Variants in DHRS7 observed in about 807,000 individuals in gnomAD.
DHRS7 encodes the protein dehydrogenase/reductase SDR family member 7.
In DHRS7, 34 loss-of-function variants were observed where a neutral mutation model predicts 38.9. That is an observed-to-expected ratio of 0.87 (90% CI 0.66 to 1.16). The LOEUF (loss-of-function observed/expected upper bound fraction) is 1.16, where lower values mean the gene tolerates loss of function less well. Among genes scored for constraint, DHRS7 ranks in the 50% most tolerant of loss-of-function variants. The pLI, the probability that DHRS7 is intolerant of heterozygous loss-of-function variation, is 0.00. For synonymous variants in DHRS7, 158 were observed against 153.1 expected (o/e 1.03, Z -0.24); for missense variants, 421 against 407.0 (o/e 1.03, Z -0.30).
chr14:60,153,166 C>A lies in DHRS7; in HGVS notation c.406G>T (p.Val136Phe). 1 of 1,613,986 alleles carries A rather than the reference C, an allele frequency of 6.2e-7. No homozygotes were observed. Among genetic ancestry groups the A allele is most frequent in the Non-Finnish European group, 8.5e-7 (1 of 1,179,970 alleles). Reference protein sequence around the residue: ...LQEFGRIDILVNNGGMSQRSL... With the variant: ...LQEFGRIDILFNNGGMSQRSL... Reference sequence around the variant, plus strand: ...CGCTGGGACATTCCACCATTGTTGACCAGAATGTCGATCTAGTTAAATAAA... The same window carrying A: ...CGCTGGGACATTCCACCATTGTTGAACAGAATGTCGATCTAGTTAAATAAA... Residue 136 changes from valine (V) to phenylalanine (F), a missense_variant, in exon 4 of 7, where the codon GTC (valine) becomes TTC (phenylalanine). Physicochemically the swap from Val to Phe is conservative, Grantham distance 50 (BLOSUM62 -1). Coordinates refer to ENST00000557185, the MANE Select transcript of DHRS7 (RefSeq NM_016029.4). This position sits in a 1 kb window ranked among gnomAD's most constrained non-coding sequence, Gnocchi z 4.4.
In DHRS7 at chr14:60,144,878, T is replaced by A; in HGVS notation, c.*88A>T. On this transcript the variant is annotated 3_prime_UTR_variant, in exon 7 of 7. Coordinates refer to ENST00000557185, the MANE Select transcript of DHRS7 (RefSeq NM_016029.4). ...ATTAAAAAGTAAAATCACAAATTAG[T>A]CTTTGATTATTCAGAAGCATAAGAA... The A allele has an allele frequency of 9.1e-7, 1 of 1,100,016 alleles. No individual in the cohort carries two copies. Among genetic ancestry groups the A allele is most frequent in the Non-Finnish European group, 1.4e-6 (1 of 726,180 alleles). The allele number at this position is 1,100,016 out of a possible 1,614,324, so 68.1% of individuals were successfully genotyped here.
chr14:60,153,855 T>C lies in DHRS7; in HGVS notation c.393+104A>G. On this transcript the variant is annotated intron_variant, in intron 3 of 6. Transcript: ENST00000557185. This position sits in a 1 kb window ranked among gnomAD's most constrained non-coding sequence, Gnocchi z 4.4. ...AACTCATGGGCCCGATCTCACTGCA[T>C]GGACCCCACTTGCCTAAAGCCCTTT... 1 of 935,184 alleles carries C rather than the reference T, an allele frequency of 1.1e-6. No individual in the cohort carries two copies. The highest frequency in any genetic ancestry group is 1.6e-5 in the African/African-American group (1 of 60,836). The allele number at this position is 935,184 out of a possible 1,614,324, so 57.9% of individuals were successfully genotyped here. A position where few individuals can be genotyped will look rare whatever the true frequency, so the allele number is the denominator to read the frequency against.
rs1267171800 is a variant in DHRS7 at position 60,144,254 on chromosome 14, A to ATAC, written c.*709_*711dup. ...CATCTTGGAGGTAAGGTCATTTCAA[A>ATAC]TACTTCTTTATATCTGGTCATTACC... On this transcript the variant is annotated 3_prime_UTR_variant, in exon 7 of 7. Transcript: ENST00000557185. The ATAC allele has an allele frequency of 6.6e-6, 1 of 152,190 alleles. No individual in the cohort carries two copies. The highest frequency in any genetic ancestry group is 2.4e-5 in the African/African-American group (1 of 41,442). 9.4% of individuals were successfully genotyped at this position (152,190 alleles called of 1,614,324 possible).
intron 1 of DHRS7, among the ~76,000 whole-genome samples, chr14:60,164,017 G>T (rs1185438582): frequency 6.6e-6 from 1 of 152,078 alleles, no homozygotes; most frequent in African/African-American, 2.4e-5. Flanking sequence ...TAGTTTTGTA[G>T]CACTGCTGTG....
rs181049342 is a variant in DHRS7, at chr14:60,154,070, A to G, written c.287-5T>C. On this transcript the variant is annotated splice_region_variant and splice_polypyrimidine_tract_variant and intron_variant, in intron 2 of 6. Coordinates refer to ENST00000557185, the MANE Select transcript of DHRS7 (RefSeq NM_016029.4). The stretch of plus-strand genomic sequence containing the variant: ...TTTCTTTTAAATTGCCATTCTCTAA[A>G]TAAAGACAAAAATTTGTGTGGAAGT... The G allele has an allele frequency of 1.4e-4, 221 of 1,611,558 alleles. 1 individual carries two copies. In the African/African-American group the frequency reaches 2.7e-3, roughly 20 times the overall value.
At chr14:60,169,132 C>CAAAAAAAAA (rs1566539341), upstream of DHRS7, 3 of 31,086 alleles carry the variant, frequency 9.7e-5, no homozygotes, top group African/African-American at 4.7e-4. Flanking sequence ...ACAAAAGAAA[C>CAAAAAAAAA]CAAAAAAAAA....
intron 2 of DHRS7, among the ~76,000 whole-genome samples, chr14:60,154,830 T>A (rs1896624333): frequency 6.6e-6 from 1 of 152,194 alleles, no homozygotes; most frequent in African/African-American, 2.4e-5. Context: ...GCTGACCTGG[T>A]TCATCTACTC....
upstream of DHRS7, among the ~76,000 whole-genome samples, chr14:60,167,221 C>T (rs2140621935): frequency 6.6e-6 from 1 of 152,302 alleles, no homozygotes; most frequent in Non-Finnish European, 1.5e-5. Flanking sequence ...ATCAAAGTAT[C>T]TCATGTACTC....
intron 5 of DHRS7, 143 bp from the exon 6 acceptor site, chr14:60,149,711 A>C (rs1005971505): frequency 4.0e-5 from 26 of 643,436 alleles, no homozygotes; most frequent in Non-Finnish European, 6.1e-5. Flanking sequence ...TACTAATGGG[A>C]GTTTATAAAC....
intron 1 of DHRS7, among the ~76,000 whole-genome samples, chr14:60,163,523 C>G (rs1260592050): frequency 1.3e-5 from 2 of 152,126 alleles, no homozygotes; most frequent in African/African-American, 4.8e-5. Context: ...TGCAAATTTG[C>G]AAATTATATA....
chr14:60,147,680 A>G (rs1383140892), intron 6 of DHRS7: 3 of 152,218 alleles, frequency 2.0e-5, no homozygotes. Context: ...CAATCCTGTG[A>G]CTGGGCACTA....
chr14:60,149,528 G>A lies in DHRS7; in HGVS notation c.797C>T (p.Thr266Ile), dbSNP rs1485028288. The change falls in exon 6 of 7, where the codon ACC becomes ATC. Residue 266 changes from threonine to isoleucine, a missense_variant. By Grantham distance (89) the Thr-to-Ile change is moderately conservative. Coordinates refer to ENST00000557185, the MANE Select transcript of DHRS7 (RefSeq NM_016029.4). ...TAACATCAGCCGCACACAACGACTG[G>A]TTGTCATCTTGTGGGACTGGTCTCC... ...NNGDQSHKMT[T>I]SRCVRLMLIS... The A allele has an allele frequency of 3.1e-6, 5 of 1,613,858 alleles. No homozygotes were observed. In the Admixed American group the frequency reaches 8.3e-5, roughly 27 times the overall value.
intron 1 of DHRS7, among the ~76,000 whole-genome samples, chr14:60,164,255 C>T (rs1057316232): frequency 8.4e-6 from 1 of 119,620 alleles, no homozygotes; most frequent in African/African-American, 3.3e-5. Flanking sequence ...CAACGCCCAA[C>T]CCATAACGCC....
Position 60,153,035 on chromosome 14 carries a change from C to T in DHRS7, c.537G>A (p.Glu179=). Residue 179 remains glutamate, a synonymous_variant, in exon 4 of 7, where the codon GAG becomes GAA. Transcript: ENST00000557185. This position sits in a 1 kb window ranked among gnomAD's most constrained non-coding sequence, Gnocchi z 4.4. ...LTKCVLPHMI[E]RKQGKIVTVN... Reference sequence around the variant, plus strand: ...CAGTAACAATCTTTCCTTGCTTCCTCTCGATCATGTGAGGCAGAACACATT... The same window carrying T: ...CAGTAACAATCTTTCCTTGCTTCCTTTCGATCATGTGAGGCAGAACACATT... 6.2e-7 allele frequency: 1 copy of T among 1,614,166 alleles called. No individual in the cohort carries two copies. Among genetic ancestry groups the T allele is most frequent in the Non-Finnish European group, 8.5e-7 (1 of 1,180,030 alleles).
Position 60,161,271 on chromosome 14 carries a change from AT to A in DHRS7, c.133+3905del, listed in dbSNP as rs1468419766. On this transcript the variant is annotated intron_variant, in intron 1 of 6. Coordinates refer to ENST00000557185, the MANE Select transcript of DHRS7 (RefSeq NM_016029.4). This position sits in a 1 kb window ranked among gnomAD's most constrained non-coding sequence, Gnocchi z 4.2. ...GGTTATTAGAGCTGGGCTACCTTTAATCATGGAATAATCTTATGTATAGGTG... is the reference window on the plus strand; with the variant it reads ...GGTTATTAGAGCTGGGCTACCTTTAACATGGAATAATCTTATGTATAGGTG... Among the ~76,000 whole-genome samples, 1 of 152,246 alleles carries A rather than the reference AT, an allele frequency of 6.6e-6. No homozygotes were observed. Among genetic ancestry groups the A allele is most frequent in the African/African-American group, 2.4e-5 (1 of 41,466 alleles).
At chr14:60,167,773 G>C (rs1896886247), upstream of DHRS7, among the ~76,000 whole-genome samples, 1 of 152,220 alleles carries the variant, frequency 6.6e-6, no homozygotes, top group African/African-American at 2.4e-5. Context: ...GTTTTTGATT[G>C]AGGATGTTTT....
At chr14:60,154,569 A>AAGAAAC in intron 2 of DHRS7, among the ~76,000 whole-genome samples, 1 of 152,176 alleles carries the variant, frequency 6.6e-6, no homozygotes, top group Non-Finnish European at 1.5e-5. Context: ...ATTCCCAACC[A>AAGAAAC]AGAAACATGC....
At chr14:60,166,645 C>T (rs900069630), upstream of DHRS7, among the ~76,000 whole-genome samples, 2 of 85,846 alleles carry the variant, frequency 2.3e-5, no homozygotes, top group African/African-American at 2.0e-4. Flanking sequence ...TACCTGCCTC[C>T]CCACCCTCAT....
In DHRS7 at chr14:60,162,499, G is replaced by T. The variant is rs1323189037; in HGVS notation, c.133+2678C>A. 6.6e-6 allele frequency among the ~76,000 whole-genome samples: 1 copy of T among 152,140 alleles called. No homozygotes were observed. On this transcript the variant is annotated intron_variant, in intron 1 of 6. Transcript: ENST00000557185. The surrounding 1 kb of genome is among the most constrained non-coding windows in gnomAD (Gnocchi z 4.5). ...CGAGAGAAGCACACTAGGTAGCTAG[G>T]GCACAAGGGTCAGAGAAAGCTCTTT...
Sources: gnomAD v4.1 joint callset for allele counts (sites outside exome capture counted in the v4.1 genomes callset) on GRCh38, gnomAD v4.1.1 for gene constraint, Gnocchi (gnomAD v3.1) non-coding constraint, MANE v1.5 for transcripts, NCBI Gene and HGNC (gene_info 2026-07-23, HGNC 2026-07-21) for gene names.